Variants in PFKFB3 observed in about 807,000 individuals in gnomAD.
PFKFB3 encodes the protein 6-phosphofructo-2-kinase/fructose-2,6-bisphosphatase 3.
A neutral mutation model predicts 68.0 loss-of-function variants in PFKFB3; 33 were observed. The observed-to-expected ratio is 0.49, with a 90% CI of 0.37 to 0.65. PFKFB3 has a LOEUF of 0.65. PFKFB3 is among the 30% of genes least tolerant of loss of function. PFKFB3 has a pLI of 0.00. For synonymous variants in PFKFB3, 315 were observed against 288.2 expected (o/e 1.09, Z -0.94); for missense variants, 586 against 712.2 (o/e 0.82, Z 2.02).
chr10:6,177,415 C>CTTTCTT (rs1311907121), intron 1 of PFKFB3, among the ~76,000 whole-genome samples: 1 of 39,742 alleles, frequency 2.5e-5, no homozygotes, highest in Admixed American at 2.8e-4. Context: ...TTTCTTCTTT[C>CTTTCTT]TCTTTCTTCC....
rs555743134 is a variant in PFKFB3, at chr10:6,246,590, C to T, written c.1516-7588C>T. Among the ~76,000 whole-genome samples, 157 of 152,176 alleles carry T rather than the reference C, an allele frequency of 1.0e-3. 2 individuals are homozygous for T. Among genetic ancestry groups the T allele is most frequent in the Admixed American group, 5.4e-3 (83 of 15,288 alleles). Reference sequence around the variant, plus strand: ...CTCCTGACCTCAGGTGATCCGCCCGCGTCGGCCTCCCAAAGTGCTGAGATT... The same window carrying T: ...CTCCTGACCTCAGGTGATCCGCCCGTGTCGGCCTCCCAAAGTGCTGAGATT... On this transcript the variant is annotated intron_variant, in intron 14 of 14. Transcript: ENST00000640683.
the PFKFB3 span, among the ~76,000 whole-genome samples, chr10:6,282,952 C>G: frequency 2.0e-5 from 3 of 152,104 alleles, no homozygotes; most frequent in Non-Finnish European, 4.4e-5. Flanking sequence ...CTATATTTTC[C>G]TGCTGTGCTA....
intron 1 of PFKFB3, among the ~76,000 whole-genome samples, chr10:6,162,737 C>G (rs796291788): frequency 2.8e-4 from 43 of 152,318 alleles, no homozygotes; most frequent in African/African-American, 1.0e-3. Context: ...CTGCTGTGTC[C>G]TTGACACGCC....
At chr10:6,293,481 G>C in the PFKFB3 span, 1 of 217,162 alleles carries the variant, frequency 4.6e-6, no homozygotes, top group Admixed American at 5.5e-5. Context: ...GAGTAGCTGG[G>C]ATTATAGGTG....
At chr10:6,245,323 C>A (rs1195045485) in intron 14 of PFKFB3, among the ~76,000 whole-genome samples, 1 of 152,096 alleles carries the variant, frequency 6.6e-6, no homozygotes, top group African/African-American at 2.4e-5. Context: ...TCTCGAACTC[C>A]TGACCTTGTG....
At chr10:6,246,715 G>T (rs540570396) in intron 14 of PFKFB3, among the ~76,000 whole-genome samples, 1 of 152,008 alleles carries the variant, frequency 6.6e-6, no homozygotes, top group Non-Finnish European at 1.5e-5. Context: ...GGTTTGTTAC[G>T]TGGGTATATT....
At chr10:6,290,134 A>G in the PFKFB3 span, among the ~76,000 whole-genome samples, 2 of 152,114 alleles carry the variant, frequency 1.3e-5, no homozygotes, top group African/African-American at 4.8e-5. Flanking sequence ...TAGATATACA[A>G]TCATGTCATC....
the PFKFB3 span, chr10:6,326,603 G>A: frequency 4.4e-6 from 2 of 451,152 alleles, no homozygotes; most frequent in Non-Finnish European, 4.4e-6. Context: ...CCGTTGCCCC[G>A]ACGAGGAAGT....
intron 1 of PFKFB3, among the ~76,000 whole-genome samples, chr10:6,188,593 C>T (rs1027724136): frequency 1.3e-5 from 2 of 151,802 alleles, no homozygotes; most frequent in Admixed American, 6.6e-5. Context: ...ATCTCTAGAA[C>T]CTTTTCATCT....
the PFKFB3 span, among the ~76,000 whole-genome samples, chr10:6,297,575 G>T: frequency 3.9e-5 from 6 of 152,162 alleles, no homozygotes; most frequent in African/African-American, 7.2e-5. Context: ...CCGTTGGAGG[G>T]AAGCAAGACG....
At chr10:6,241,868 G>A (rs964799253) in intron 14 of PFKFB3, among the ~76,000 whole-genome samples, 2 of 146,008 alleles carry the variant, frequency 1.4e-5, no homozygotes, top group Admixed American at 6.9e-5. Flanking sequence ...TTTAAGAGAT[G>A]GGGATCTTAC....
the PFKFB3 span, among the ~76,000 whole-genome samples, chr10:6,295,876 C>T: frequency 6.6e-6 from 1 of 152,200 alleles, no homozygotes; most frequent in Middle Eastern, 3.2e-3. Context: ...CAAGGCAAAA[C>T]TCACACAAGC....
intron 14 of PFKFB3, among the ~76,000 whole-genome samples, chr10:6,248,496 G>A (rs1564234766): frequency 2.0e-5 from 3 of 151,956 alleles, no homozygotes; most frequent in Admixed American, 2.0e-4. Flanking sequence ...GGGTGTGGTG[G>A]CACGTGTCTA....
At position 6,229,700 on chromosome 10, in the gene PFKFB3, C is replaced by T. The variant is rs141956918; in HGVS notation, c.1516-3195C>T. On this transcript the variant is annotated intron_variant, in intron 14 of 14. Coordinates refer to ENST00000379775, the MANE Select transcript of PFKFB3 (RefSeq NM_004566.4). This position sits in a 1 kb window ranked among gnomAD's most constrained non-coding sequence, Gnocchi z 4.3. ...TGTGTGAAACTTTTTGGACTTGGAG[C>T]CTGAAGGTTTTACATCTGTGCATGT... Among the ~76,000 whole-genome samples, 490 of 152,266 alleles carry T rather than the reference C, an allele frequency of 3.2e-3. 3 individuals are homozygous for T. Among genetic ancestry groups the T allele is most frequent in the African/African-American group, 0.011 (463 of 41,538 alleles).
upstream of PFKFB3, among the ~76,000 whole-genome samples, chr10:6,198,588 T>C (rs1843238322): frequency 6.6e-6 from 1 of 152,252 alleles, no homozygotes; most frequent in African/African-American, 2.4e-5. Context: ...GTTCAAGTGA[T>C]TCTTGTGCCT....
intron 2 of PFKFB3, 106 bp downstream of exon 2, chr10:6,213,854 TG>T: frequency 8.1e-7 from 1 of 1,242,086 alleles, no homozygotes. Flanking sequence ...CTCTGTCCCC[TG>T]GTCGGGGAGT....
At chr10:6,254,381 T>G in exon 15 of PFKFB3, 1 of 398,566 alleles carries the variant, frequency 2.5e-6, no homozygotes, top group Non-Finnish European at 4.4e-6. Context: ...GATACCTGGC[T>G]GAAAGAGACC....
At chr10:6,161,566 G>GTA (rs1030074178) in intron 1 of PFKFB3, among the ~76,000 whole-genome samples, 18 of 98,344 alleles carry the variant, frequency 1.8e-4, no homozygotes, top group East Asian at 2.2e-4. Context: ...ACACACATAT[G>GTA]TATATATATA....
In PFKFB3 at chr10:6,215,439, T is replaced by TGGGCTGCGGGGCTGCG. The variant is rs148095189; in HGVS notation, c.299+125_299+140dup. 1.1e-5 allele frequency: 8 copies of TGGGCTGCGGGGCTGCG among 735,724 alleles called. No homozygotes were observed. The highest frequency in any genetic ancestry group is 1.2e-5 in the Non-Finnish European group (5 of 425,746). The allele number at this position is 735,724 out of a possible 1,614,324, so 45.6% of individuals were successfully genotyped here. A position where few individuals can be genotyped will look rare whatever the true frequency, so the allele number is the denominator to read the frequency against. On this transcript the variant is annotated intron_variant, in intron 3 of 14. Transcript: ENST00000379775. The surrounding 1 kb of genome is among the most constrained non-coding windows in gnomAD (Gnocchi z 4.3). ...TAGGGCTGGGCTGTGGGAATAAGGC[T>TGGGCTGCGGGGCTGCG]GGGCTGCGGGGCTGCGGGTGTAAGG...
Sources: allele counts gnomAD v4.1 joint callset (sites outside exome capture counted in the v4.1 genomes callset), GRCh38; gene constraint gnomAD v4.1.1; non-coding constraint Gnocchi (gnomAD v3.1); transcripts MANE v1.5; gene names NCBI Gene and HGNC (gene_info 2026-07-23, HGNC 2026-07-21).